TRDN: variants seen among roughly 807,000 people sequenced by gnomAD.
TRDN encodes the protein triadin in skeletal muscle.
TRDN carries 161 observed loss-of-function variants against 149.7 expected under a neutral mutation model. The ratio of observed to expected loss-of-function variants is 1.08; its 90% CI spans 0.95 to 1.23. The LOEUF (loss-of-function observed/expected upper bound fraction) is 1.23, where lower values mean the gene tolerates loss of function less well. TRDN is among the 50% of genes most tolerant of loss of function. The pLI, the probability that TRDN is intolerant of heterozygous loss-of-function variation, is 0.00. For synonymous variants in TRDN, 294 were observed against 250.5 expected (o/e 1.17, Z -1.64); for missense variants, 896 against 823.5 (o/e 1.09, Z -1.08).
chr6:123,248,565 T>A lies in TRDN; in HGVS notation c.1975+3847A>T, dbSNP rs574366488. ...GAGTGAGACTCCATCTCAAAAAAAA[T>A]AAAAATAAAAATCAGAGACTTATAT... On this transcript the variant is annotated intron_variant, in intron 38 of 40. Coordinates refer to ENST00000334268, the MANE Select transcript of TRDN (RefSeq NM_006073.4). Among the ~76,000 whole-genome samples the A allele has an allele frequency of 5.3e-5, 8 of 151,314 alleles. No homozygotes were observed. The East Asian group carries it at 1.4e-3, about 26-fold the overall frequency.
intron 21 of TRDN, among the ~76,000 whole-genome samples, chr6:123,346,082 A>AGC (rs1386486264): frequency 1.3e-5 from 2 of 152,136 alleles, no homozygotes; most frequent in East Asian, 3.9e-4. Flanking sequence ...GGGGCGTGAA[A>AGC]GCGAACATCC....
intron 28 of TRDN, 145 bp from the exon 29 acceptor site, chr6:123,273,156 G>T (rs1055638471): frequency 4.0e-6 from 3 of 751,832 alleles, no homozygotes; most frequent in Non-Finnish European, 6.0e-6. Flanking sequence ...AAAGGTTTTA[G>T]TTCATGAAAA....
chr6:123,282,251 T>C (rs150846601), intron 24 of TRDN, among the ~76,000 whole-genome samples: 64 of 152,090 alleles, frequency 4.2e-4, no homozygotes, highest in South Asian at 1.9e-3. Flanking sequence ...AAGTTCTATA[T>C]ATACATTCTA....
chr6:123,489,617 T>C (rs538710996), intron 9 of TRDN: 1 of 152,190 alleles, frequency 6.6e-6, no homozygotes, highest in Non-Finnish European at 1.5e-5. Flanking sequence ...TAAGGCACTT[T>C]ATGGAAACTT....
At chr6:123,507,166 C>CT (rs958209522) in intron 7 of TRDN, among the ~76,000 whole-genome samples, 21 of 148,326 alleles carry the variant, frequency 1.4e-4, no homozygotes, top group Admixed American at 3.4e-4. Flanking sequence ...AACTTGCCAA[C>CT]TTTTTTTTTT....
chr6:123,381,971 C>A (rs1183726384), intron 15 of TRDN, 147 bp downstream of exon 15: 1 of 538,962 alleles, frequency 1.9e-6, no homozygotes, highest in African/African-American at 2.0e-5. Flanking sequence ...CTCTCTCTCT[C>A]TCTCTCTCTC....
rs1347947024 is a variant in TRDN, at chr6:123,532,623, G to A, written c.425-2058C>T. 4.6e-5 allele frequency among the ~76,000 whole-genome samples: 7 copies of A among 151,792 alleles called. No homozygotes were observed. In the South Asian group the frequency reaches 1.2e-3, roughly 27 times the overall value. ...AAATGCCTGGCCAGTTCCCACAATC[G>A]CATAATCCAATTCCTTGTAATAATT... is the stretch of plus-strand genomic sequence containing the variant. On this transcript the variant is annotated intron_variant, in intron 4 of 40. Coordinates refer to ENST00000334268, the MANE Select transcript of TRDN (RefSeq NM_006073.4).
chr6:123,471,301 C>T (rs1268385295), intron 9 of TRDN: 3 of 152,166 alleles, frequency 2.0e-5, no homozygotes, highest in African/African-American at 7.2e-5. Context: ...ATTTTCCATT[C>T]ACTCAGCAAC....
chr6:123,257,497 T>C (rs1776604441), intron 35 of TRDN, among the ~76,000 whole-genome samples: 1 of 152,132 alleles, frequency 6.6e-6, no homozygotes, highest in Admixed American at 6.6e-5. Context: ...GTTCCTTTGG[T>C]CTATATTTCT....
intron 2 of TRDN, among the ~76,000 whole-genome samples, chr6:123,550,617 T>C (rs962239420): frequency 1.3e-5 from 2 of 152,050 alleles, no homozygotes; most frequent in African/African-American, 4.8e-5. Context: ...GTTTTTACCA[T>C]TGTTCAAATA....
chr6:123,434,156 T>C (rs892242334), intron 12 of TRDN: 1 of 152,174 alleles, frequency 6.6e-6, no homozygotes. Flanking sequence ...CTATAAAGTG[T>C]AGGTGTTCAA....
intron 38 of TRDN, among the ~76,000 whole-genome samples, chr6:123,225,123 C>T (rs576143328): frequency 7.2e-6 from 1 of 138,700 alleles, no homozygotes; most frequent in African/African-American, 2.5e-5. Context: ...GACCAACAGG[C>T]ACGTGGAAAG....
chr6:123,445,497 G>T (rs1775267575), intron 10 of TRDN, among the ~76,000 whole-genome samples: 1 of 114,690 alleles, frequency 8.7e-6, no homozygotes, highest in South Asian at 2.9e-4. Flanking sequence ...CTGACAAAGG[G>T]CTAATATCCA....
chr6:123,462,849 T>C (rs1776534098), intron 10 of TRDN: 1 of 152,146 alleles, frequency 6.6e-6, no homozygotes, highest in Non-Finnish European at 1.5e-5. Context: ...AACGAAGTCA[T>C]AGGCAGCACA....
chr6:123,230,893 A>G (rs944142293), intron 38 of TRDN, among the ~76,000 whole-genome samples: 1 of 152,010 alleles, frequency 6.6e-6, no homozygotes, highest in Non-Finnish European at 1.5e-5. Context: ...GAGAACTACA[A>G]TGAGATATTT....
intron 4 of TRDN, among the ~76,000 whole-genome samples, chr6:123,546,728 T>C (rs73536769): frequency 0.032 from 4,832 of 152,114 alleles, 101 homozygotes; most frequent in African/African-American, 0.064. Context: ...AGGTTTATCG[T>C]TCTTATCATT....
chr6:123,506,521 GCT>G (rs1335250952), intron 7 of TRDN, among the ~76,000 whole-genome samples: 1 of 150,748 alleles, frequency 6.6e-6, no homozygotes, highest in African/African-American at 2.4e-5. Flanking sequence ...TAGACTCTTG[GCT>G]CTGTTGCCAG....
chr6:123,261,415 C>G (rs1776768149), intron 33 of TRDN, among the ~76,000 whole-genome samples: 1 of 151,726 alleles, frequency 6.6e-6, no homozygotes, highest in South Asian at 2.1e-4. Flanking sequence ...TTATATTTGC[C>G]TTTTGCCTAT....
At chr6:123,615,931 T>C (rs1441443189) in intron 1 of TRDN, among the ~76,000 whole-genome samples, 1 of 152,166 alleles carries the variant, frequency 6.6e-6, no homozygotes, top group Non-Finnish European at 1.5e-5. Context: ...AAATGATAAA[T>C]ATTTGATGTG....
Sources: allele counts gnomAD v4.1 joint callset (sites outside exome capture counted in the v4.1 genomes callset), GRCh38; gene constraint gnomAD v4.1.1; transcripts MANE v1.5; gene names NCBI Gene and HGNC (gene_info 2026-07-23, HGNC 2026-07-21).